Variants in PIK3C3 observed in about 807,000 individuals in gnomAD.
PIK3C3 encodes the protein PI3-kinase type 3.
Under a neutral mutation model 126.1 loss-of-function variants are expected in PIK3C3, and 95 were observed. The ratio of observed to expected loss-of-function variants is 0.75; its 90% CI spans 0.64 to 0.89. The LOEUF is 0.89. Among genes scored for constraint, PIK3C3 ranks in the 40% least tolerant of loss-of-function variants. PIK3C3 has a pLI of 0.00. For missense variants in PIK3C3, 829 were observed against 1,063.2 expected (o/e 0.78, Z 3.06); for synonymous variants, 374 against 360.0 (o/e 1.04, Z -0.44).
At chr18:42,030,830 G>A (rs1486963373) in intron 15 of PIK3C3, among the ~76,000 whole-genome samples, 1 of 152,158 alleles carries the variant, frequency 6.6e-6, no homozygotes, top group Non-Finnish European at 1.5e-5. Context: ...GCTTATATTT[G>A]AAAGCAGTTT....
intron 20 of PIK3C3, among the ~76,000 whole-genome samples, chr18:42,048,335 A>G (rs1984647430): frequency 6.6e-6 from 1 of 152,186 alleles, no homozygotes; most frequent in Non-Finnish European, 1.5e-5. Flanking sequence ...TCATGTCGCA[A>G]TCTAGACAGG....
chr18:42,054,134 A>ATCTATATC (rs1341393915), intron 21 of PIK3C3, among the ~76,000 whole-genome samples: 2 of 12,574 alleles, frequency 1.6e-4, no homozygotes. Context: ...TGGTATATAT[A>ATCTATATC]TATATATATA....
chr18:42,065,585 G>C (rs1985502069), intron 23 of PIK3C3, among the ~76,000 whole-genome samples: 1 of 152,216 alleles, frequency 6.6e-6, no homozygotes, highest in South Asian at 2.1e-4. Context: ...TGGAGGAACA[G>C]GAACGATGTC....
intron 19 of PIK3C3, among the ~76,000 whole-genome samples, chr18:42,042,041 T>C (rs1984345662): frequency 6.6e-6 from 1 of 152,202 alleles, no homozygotes; most frequent in Non-Finnish European, 1.5e-5. Flanking sequence ...ATAAGGGTGG[T>C]TCGCTGTGCC....
intron 21 of PIK3C3, among the ~76,000 whole-genome samples, chr18:42,053,581 G>A (rs963668452): frequency 2.6e-5 from 4 of 152,042 alleles, no homozygotes; most frequent in Non-Finnish European, 5.9e-5. Flanking sequence ...GCTGTGGTGT[G>A]GAGTTGAAAA....
Position 42,012,479 on chromosome 18 carries a change from A to C in PIK3C3, c.1171-963A>C, listed in dbSNP as rs1250573143. Among the ~76,000 whole-genome samples, 5 of 152,312 alleles carry C rather than the reference A, an allele frequency of 3.3e-5. No individual in the cohort carries two copies. In the South Asian group the frequency reaches 1.0e-3, roughly 32 times the overall value. On this transcript the variant is annotated intron_variant, in intron 10 of 24. Coordinates refer to ENST00000262039, the MANE Select transcript of PIK3C3 (RefSeq NM_002647.4). ...TCTGATTATGAGTTTCAAGTGTCTA[A>C]CAGGGTGAATGACAATTAGAATTGG...
intron 10 of PIK3C3, among the ~76,000 whole-genome samples, chr18:42,011,031 T>A (rs1982798481): frequency 6.6e-6 from 1 of 152,204 alleles, no homozygotes; most frequent in African/African-American, 2.4e-5. Flanking sequence ...AAATCTTCTT[T>A]TCTGAACAGT....
intron 10 of PIK3C3, among the ~76,000 whole-genome samples, chr18:42,010,753 C>A (rs1423138162): frequency 6.6e-6 from 1 of 152,136 alleles, no homozygotes; most frequent in East Asian, 1.9e-4. Context: ...CTCAAATGTT[C>A]TTAATGACAT....
intron 21 of PIK3C3, chr18:42,050,435 C>T (rs1478122364): frequency 3.3e-5 from 5 of 152,182 alleles, no homozygotes; most frequent in Non-Finnish European, 7.3e-5. Flanking sequence ...ATTGAAATAT[C>T]GAACTGCTTA....
intron 22 of PIK3C3, 102 bp downstream of exon 22, chr18:42,058,153 T>A (rs1985157368): frequency 1.1e-6 from 1 of 901,724 alleles, no homozygotes; most frequent in East Asian, 3.1e-5. Flanking sequence ...ATTGATCACT[T>A]TTTCAAAATG....
intron 4 of PIK3C3, among the ~76,000 whole-genome samples, chr18:41,985,295 C>T (rs750434325): frequency 1.3e-5 from 2 of 152,042 alleles, no homozygotes; most frequent in East Asian, 1.9e-4. Flanking sequence ...TAGGGTGGTT[C>T]GTTATGTAGT....
intron 9 of PIK3C3, among the ~76,000 whole-genome samples, chr18:42,003,989 T>C (rs985406622): frequency 6.6e-6 from 1 of 152,206 alleles, no homozygotes; most frequent in Non-Finnish European, 1.5e-5. Flanking sequence ...TTTTCTGTTG[T>C]AAAATATAGG....
chr18:41,982,969 G>T (rs1338497118), intron 4 of PIK3C3, among the ~76,000 whole-genome samples: 2 of 152,102 alleles, frequency 1.3e-5, no homozygotes, highest in African/African-American at 4.8e-5. Context: ...GTCTTCTATG[G>T]TTGGATATTA....
intron 24 of PIK3C3, among the ~76,000 whole-genome samples, chr18:42,078,068 A>G (rs1248371839): frequency 6.6e-6 from 1 of 152,178 alleles, no homozygotes; most frequent in African/African-American, 2.4e-5. Flanking sequence ...GTAGGCTTCA[A>G]CAGTGGGCTT....
intron 10 of PIK3C3, among the ~76,000 whole-genome samples, chr18:42,012,536 G>A (rs752171163): frequency 6.6e-6 from 1 of 152,034 alleles, no homozygotes; most frequent in African/African-American, 2.4e-5. Context: ...AATTTTTTGA[G>A]CTTTGCAATT....
In PIK3C3 at chr18:41,979,895, T is replaced by TATTATTATC. The variant is rs1555672729; in HGVS notation, c.532-7909_532-7908insCATTATTAT. ...ATGCCATTATTATTATTATTATTAT[T>TATTATTATC]ATTATTATTAGCTATTCTGAAAAGG... is the stretch of plus-strand genomic sequence containing the variant. On this transcript the variant is annotated intron_variant, in intron 4 of 24. Coordinates refer to ENST00000262039, the MANE Select transcript of PIK3C3 (RefSeq NM_002647.4). Among the ~76,000 whole-genome samples, 1,128 of 149,716 alleles carry TATTATTATC rather than the reference T, an allele frequency of 7.5e-3. 13 individuals carry two copies. The highest frequency in any genetic ancestry group is 0.024 in the African/African-American group (969 of 40,860).
intron 24 of PIK3C3, among the ~76,000 whole-genome samples, chr18:42,080,203 G>T (rs1166580036): frequency 6.6e-6 from 1 of 151,994 alleles, no homozygotes; most frequent in African/African-American, 2.4e-5. Flanking sequence ...ATTGCCTTTA[G>T]TAAAAATATT....
At chr18:42,053,410 G>T (rs1984892743) in intron 21 of PIK3C3, among the ~76,000 whole-genome samples, 1 of 152,160 alleles carries the variant, frequency 6.6e-6, no homozygotes, top group African/African-American at 2.4e-5. Flanking sequence ...ATGTAAAAGT[G>T]TAGCGATTGT....
intron 22 of PIK3C3, among the ~76,000 whole-genome samples, chr18:42,063,669 A>G (rs1208725446): frequency 6.6e-6 from 1 of 152,178 alleles, no homozygotes; most frequent in African/African-American, 2.4e-5. Flanking sequence ...ATTTTTCTAT[A>G]AAAGTTCCAT....
Sources: allele counts gnomAD v4.1 joint callset (sites outside exome capture counted in the v4.1 genomes callset), GRCh38; gene constraint gnomAD v4.1.1; transcripts MANE v1.5; gene names NCBI Gene and HGNC (gene_info 2026-07-23, HGNC 2026-07-21).